MAN1C1: variants seen among roughly 807,000 people sequenced by gnomAD.
MAN1C1 encodes the protein mannosyl-oligosaccharide 1,2-alpha-mannosidase IC.
A neutral mutation model predicts 71.5 loss-of-function variants in MAN1C1; 49 were observed. That is an observed-to-expected ratio of 0.69 (90% CI 0.54 to 0.87). The LOEUF (loss-of-function observed/expected upper bound fraction) is 0.87. MAN1C1 is among the 40% of genes least tolerant of loss of function. The pLI is 0.00. For missense variants in MAN1C1, 743 were observed against 835.0 expected (o/e 0.89, Z 1.36); for synonymous variants, 352 against 343.7 (o/e 1.02, Z -0.27).
intron 2 of MAN1C1, among the ~76,000 whole-genome samples, chr1:25,722,004 G>T: frequency 6.6e-6 from 1 of 152,156 alleles, no homozygotes; most frequent in East Asian, 1.9e-4. Context: ...TGAGATTTTT[G>T]AAAACTGAAA....
intron 1 of MAN1C1, among the ~76,000 whole-genome samples, chr1:25,656,204 TCTC>T (rs1445348321): frequency 1.4e-5 from 2 of 145,858 alleles, no homozygotes; most frequent in African/African-American, 5.2e-5. Context: ...TTCAAGCCAT[TCTC>T]CTGCCTCAGC....
intron 2 of MAN1C1, among the ~76,000 whole-genome samples, chr1:25,745,500 GT>G (rs1041781339): frequency 6.6e-6 from 1 of 151,816 alleles, no homozygotes. Context: ...ATTATACTGT[GT>G]TTTTTTCTTA....
chr1:25,727,367 C>T (rs2046845980), intron 2 of MAN1C1, among the ~76,000 whole-genome samples: 1 of 152,202 alleles, frequency 6.6e-6, no homozygotes, highest in African/African-American at 2.4e-5. Context: ...TTGAGAACTC[C>T]TCACGGGTCC....
intron 1 of MAN1C1, among the ~76,000 whole-genome samples, chr1:25,648,382 A>C (rs1460112869): frequency 6.6e-6 from 1 of 152,144 alleles, no homozygotes; most frequent in African/African-American, 2.4e-5. Flanking sequence ...TATTGGTGCT[A>C]ATCTTTTCCC....
intron 1 of MAN1C1, among the ~76,000 whole-genome samples, chr1:25,648,625 G>T (rs957357772): frequency 6.6e-6 from 1 of 152,174 alleles, no homozygotes; most frequent in African/African-American, 2.4e-5. Context: ...CAAGAGACAA[G>T]CCCTCACCTG....
chr1:25,698,500 T>C (rs557296826), intron 2 of MAN1C1, among the ~76,000 whole-genome samples: 7 of 152,224 alleles, frequency 4.6e-5, no homozygotes, highest in African/African-American at 1.7e-4. Context: ...ATAAGACAAG[T>C]AGCAGGGAGC....
chr1:25,692,459 T>C (rs573245057), intron 2 of MAN1C1, among the ~76,000 whole-genome samples: 1 of 152,300 alleles, frequency 6.6e-6, no homozygotes, highest in Admixed American at 6.5e-5. Flanking sequence ...ACTCCCATGC[T>C]CAAGTGATCC....
chr1:25,742,227 C>T (rs927204243), intron 2 of MAN1C1, among the ~76,000 whole-genome samples: 1 of 152,168 alleles, frequency 6.6e-6, no homozygotes, highest in African/African-American at 2.4e-5. Context: ...GGAGCTTGCA[C>T]CCCTTCCTAC....
At chr1:25,761,914 C>T (rs1020952515) in intron 6 of MAN1C1, among the ~76,000 whole-genome samples, 2 of 151,982 alleles carry the variant, frequency 1.3e-5, no homozygotes, top group African/African-American at 4.8e-5. Flanking sequence ...TGAGCCACTG[C>T]ACCCAGCCTC....
At position 25,782,645 on chromosome 1, in the gene MAN1C1, A is replaced by G. The variant is rs1445747400; in HGVS notation, c.1711A>G (p.Ser571Gly). 1 of 1,614,098 alleles carries G rather than the reference A, an allele frequency of 6.2e-7. No individual in the cohort carries two copies. The highest frequency in any genetic ancestry group is 1.7e-5 in the Admixed American group (1 of 60,024). The change falls in exon 11 of 12, where the codon AGC becomes GGC. Residue 571 changes from serine (S) to glycine (G), a missense_variant. Ser to Gly is a moderately conservative substitution (Grantham distance 56). Transcript: ENST00000374332. The surrounding 1 kb of genome is among the most constrained non-coding windows in gnomAD (Gnocchi z 4.4). ...GFSGIQDVYSSTPNHDNKQQS... is the reference protein window; with the variant it reads ...GFSGIQDVYSGTPNHDNKQQS... ...CTCTGGGATCCAAGACGTGTACAGTAGCACCCCCAACCACGACAACAAGCA... is the reference window on the plus strand; with the variant it reads ...CTCTGGGATCCAAGACGTGTACAGTGGCACCCCCAACCACGACAACAAGCA...
intron 2 of MAN1C1, among the ~76,000 whole-genome samples, chr1:25,712,718 G>A (rs2786872): frequency 6.6e-6 from 1 of 151,934 alleles, no homozygotes; most frequent in African/African-American, 2.4e-5. Context: ...TCTTCCACCC[G>A]CTTCAACCCT....
chr1:25,673,620 C>G (rs1314382240), intron 1 of MAN1C1, among the ~76,000 whole-genome samples: 1 of 152,124 alleles, frequency 6.6e-6, no homozygotes, highest in Admixed American at 6.5e-5. Flanking sequence ...GTATCTTGTC[C>G]AAAGACACAC....
chr1:25,637,052 G>A (rs902683651), intron 1 of MAN1C1, among the ~76,000 whole-genome samples: 2 of 152,084 alleles, frequency 1.3e-5, no homozygotes, highest in African/African-American at 2.4e-5. Flanking sequence ...CTACTTGGCC[G>A]GCTGAGGCAG....
rs1259514091 is a variant in MAN1C1 at position 25,753,661 on chromosome 1, G to A, written c.929+83G>A. 3.9e-6 allele frequency: 5 copies of A among 1,273,560 alleles called. No individual in the cohort carries two copies. The South Asian group carries it at 5.3e-5, about 14-fold the overall frequency. The allele number at this position is 1,273,560 out of a possible 1,614,324, so 78.9% of individuals were successfully genotyped here. On this transcript the variant is annotated intron_variant, in intron 5 of 11. Coordinates refer to ENST00000374332, the MANE Select transcript of MAN1C1 (RefSeq NM_020379.4). The surrounding 1 kb of genome is among the most constrained non-coding windows in gnomAD (Gnocchi z 4.9). ...GTTTTGTCTGGGTGGTGCTGGTGAG[G>A]AGGCTCCAGGGGCAGTAGGCAGGCA... is the stretch of plus-strand genomic sequence containing the variant.
At chr1:25,687,586 C>G (rs1301833709) in intron 2 of MAN1C1, among the ~76,000 whole-genome samples, 4 of 152,170 alleles carry the variant, frequency 2.6e-5, no homozygotes, top group Non-Finnish European at 1.5e-5. Context: ...GGCAAATTTA[C>G]AAGGGATATC....
intron 1 of MAN1C1, among the ~76,000 whole-genome samples, chr1:25,654,772 G>A (rs564276863): frequency 3.0e-4 from 46 of 151,844 alleles, no homozygotes; most frequent in East Asian, 1.9e-3. Flanking sequence ...TCAGCCTCCC[G>A]AGTAGCTGGG....
chr1:25,677,592 G>A (rs543344175), intron 1 of MAN1C1, among the ~76,000 whole-genome samples: 2 of 152,202 alleles, frequency 1.3e-5, no homozygotes, highest in South Asian at 4.2e-4. Flanking sequence ...CCTTTCCCCA[G>A]TCAGCTACTG....
At chr1:25,645,874 A>G (rs2045605706) in intron 1 of MAN1C1, 1 of 151,908 alleles carries the variant, frequency 6.6e-6, no homozygotes. Context: ...CTGCATGTCT[A>G]AGGAGGTCTT....
chr1:25,781,203 T>C lies in MAN1C1; in HGVS notation c.1650+91T>C, dbSNP rs902637276. 39 of 1,416,852 alleles carry C rather than the reference T, an allele frequency of 2.8e-5. No individual in the cohort carries two copies. The African/African-American group carries it at 5.4e-4, about 20-fold the overall frequency. The allele number at this position is 1,416,852 out of a possible 1,614,324, so 87.8% of individuals were successfully genotyped here. Reference sequence around the variant, plus strand: ...TAGGTGCCCTGGCTTGGGCCTGGAGTGGAAGGCCAAGCCACGTTGACCTCT... The same window carrying C: ...TAGGTGCCCTGGCTTGGGCCTGGAGCGGAAGGCCAAGCCACGTTGACCTCT... On this transcript the variant is annotated intron_variant, in intron 10 of 11. Coordinates refer to ENST00000374332, the MANE Select transcript of MAN1C1 (RefSeq NM_020379.4).
Sources: gnomAD v4.1 joint callset for allele counts (sites outside exome capture counted in the v4.1 genomes callset) on GRCh38, gnomAD v4.1.1 for gene constraint, Gnocchi (gnomAD v3.1) non-coding constraint, MANE v1.5 for transcripts, NCBI Gene and HGNC (gene_info 2026-07-23, HGNC 2026-07-21) for gene names.